Variants in GUCY1A2 observed in about 807,000 individuals in gnomAD.
GUCY1A2 encodes the protein guanylate cyclase 1 soluble subunit alpha 2, also known as guanylate cyclase soluble subunit alpha-2.
A neutral mutation model predicts 63.5 loss-of-function variants in GUCY1A2; 27 were observed. The observed-to-expected ratio is 0.43, with a 90% CI of 0.31 to 0.59. The LOEUF (loss-of-function observed/expected upper bound fraction) is 0.59. Ranked by LOEUF, GUCY1A2 falls within the 20% of genes least tolerant of loss-of-function variation. GUCY1A2 has a pLI of 0.11. For missense variants in GUCY1A2, 768 were observed against 913.3 expected (o/e 0.84, Z 2.05); for synonymous variants, 364 against 343.5 (o/e 1.06, Z -0.66).
intron 7 of GUCY1A2, among the ~76,000 whole-genome samples, chr11:106,690,727 C>T (rs1027424255): frequency 2.0e-5 from 3 of 152,126 alleles, no homozygotes; most frequent in Non-Finnish European, 4.4e-5. Context: ...TGCTCATCTC[C>T]ACCAAATTTA....
At chr11:106,902,768 C>T (rs1269884935) in intron 4 of GUCY1A2, among the ~76,000 whole-genome samples, 1 of 152,068 alleles carries the variant, frequency 6.6e-6, no homozygotes, top group Admixed American at 6.6e-5. Context: ...TGTCATTGTT[C>T]CCTAACAATA....
At chr11:106,935,721 C>A (rs532265147) in intron 4 of GUCY1A2, among the ~76,000 whole-genome samples, 1 of 151,898 alleles carries the variant, frequency 6.6e-6, no homozygotes, top group East Asian at 1.9e-4. Flanking sequence ...GTAGTGCACA[C>A]CTGTAGTCCC....
In GUCY1A2 at chr11:106,939,728, G is replaced by A; in HGVS notation, c.938C>T (p.Pro313Leu). 2 of 1,613,878 alleles carry A rather than the reference G, an allele frequency of 1.2e-6. No homozygotes were observed. Among genetic ancestry groups the A allele is most frequent in the Non-Finnish European group, 1.7e-6 (2 of 1,179,796 alleles). Reference sequence around the variant, plus strand: ...GTTGATGCTAATTCTGAGGTCCGCAGGAACTTGGGAGGTTCCCTGTGGAAG... The same window carrying A: ...GTTGATGCTAATTCTGAGGTCCGCAAGAACTTGGGAGGTTCCCTGTGGAAG... ...KNLPQGTSQVPADLRISINTF... is the reference protein window; with the variant it reads ...KNLPQGTSQVLADLRISINTF... The change falls in exon 4 of 8, where the codon CCT becomes CTT. Residue 313 changes from proline to leucine, a missense_variant. Physicochemically the swap from Pro to Leu is moderately conservative, Grantham distance 98. Around this residue, in one of 3 missense-constraint regions of GUCY1A2, gnomAD observed 496 missense variants for 486.9 expected, o/e 1.02. Coordinates refer to ENST00000526355, the MANE Select transcript of GUCY1A2 (RefSeq NM_000855.3).
At chr11:106,838,921 T>C (rs61902970) in intron 4 of GUCY1A2, among the ~76,000 whole-genome samples, 3,495 of 152,170 alleles carry the variant, frequency 0.023, 63 homozygotes, top group Middle Eastern at 0.068. Flanking sequence ...TCCCATTCTG[T>C]AGGTTGCCTG....
chr11:106,939,490 A>G lies in GUCY1A2; in HGVS notation c.1176T>C (p.Pro392=). 6.3e-7 allele frequency: 1 copy of G among 1,599,298 alleles called. No homozygotes were observed. Among genetic ancestry groups the G allele is most frequent in the Non-Finnish European group, 8.6e-7 (1 of 1,167,596 alleles). Residue 392 remains proline (P), a synonymous_variant, in exon 4 of 8, where the codon CCT becomes CCC. Transcript: ENST00000526355. ...CTTTATTTTCAGAGCCAGAAGCCTC[A>G]GGCTTGGTTCTAATCACAAACGGGG... ...LSTPFVIRTK[P]EASGSENKDK... is the part of the protein sequence containing the mutation.
At chr11:106,865,240 A>T (rs1859575031) in intron 4 of GUCY1A2, among the ~76,000 whole-genome samples, 1 of 151,924 alleles carries the variant, frequency 6.6e-6, no homozygotes. Flanking sequence ...ATCAGTAGTG[A>T]TATCTCTTTT....
chr11:106,834,620 CAAA>C (rs912566913), intron 4 of GUCY1A2, among the ~76,000 whole-genome samples: 2 of 151,750 alleles, frequency 1.3e-5, no homozygotes, highest in Admixed American at 1.3e-4. Flanking sequence ...GAAAAACAAA[CAAA>C]AAAAGTAGAT....
intron 1 of GUCY1A2, among the ~76,000 whole-genome samples, chr11:106,989,179 C>A (rs1327064232): frequency 6.6e-6 from 1 of 152,140 alleles, no homozygotes; most frequent in Non-Finnish European, 1.5e-5. Context: ...GGCCAAGATC[C>A]CAGTCCTCTT....
chr11:106,706,580 AAGCC>A (rs1342946576), intron 7 of GUCY1A2, among the ~76,000 whole-genome samples: 2 of 151,806 alleles, frequency 1.3e-5, no homozygotes, highest in African/African-American at 4.8e-5. Context: ...TATGTAAACA[AAGCC>A]AGCTACTGTT....
At chr11:106,837,489 T>C (rs1043720099) in intron 4 of GUCY1A2, among the ~76,000 whole-genome samples, 2 of 152,002 alleles carry the variant, frequency 1.3e-5, no homozygotes, top group African/African-American at 4.8e-5. Flanking sequence ...GAATGATTTA[T>C]ATTCCTTTGG....
chr11:106,746,026 CA>C (rs1227337274), intron 6 of GUCY1A2, among the ~76,000 whole-genome samples: 2 of 151,912 alleles, frequency 1.3e-5, no homozygotes, highest in Admixed American at 6.6e-5. Context: ...ACTACCAGGA[CA>C]AAAAAACTGG....
chr11:106,773,622 C>T (rs1864297569), intron 6 of GUCY1A2, among the ~76,000 whole-genome samples: 1 of 152,184 alleles, frequency 6.6e-6, no homozygotes, highest in Non-Finnish European at 1.5e-5. Flanking sequence ...ATTTATACTT[C>T]CACTAGCTAT....
intron 4 of GUCY1A2, among the ~76,000 whole-genome samples, chr11:106,813,396 T>C (rs1398058052): frequency 1.3e-5 from 2 of 151,988 alleles, no homozygotes; most frequent in African/African-American, 2.4e-5. Flanking sequence ...GGGGGGTACA[T>C]GTGCAGGTTT....
intron 6 of GUCY1A2, among the ~76,000 whole-genome samples, chr11:106,744,841 T>C (rs1863759096): frequency 6.6e-6 from 1 of 152,194 alleles, no homozygotes; most frequent in Admixed American, 6.5e-5. Flanking sequence ...GTACTCATGT[T>C]GTCAACATGG....
intron 4 of GUCY1A2, among the ~76,000 whole-genome samples, chr11:106,917,105 T>C (rs1458776167): frequency 6.9e-6 from 1 of 145,464 alleles, no homozygotes; most frequent in Admixed American, 6.8e-5. Flanking sequence ...ATAGTAGTGT[T>C]ATAAAGAAAA....
intron 7 of GUCY1A2, among the ~76,000 whole-genome samples, chr11:106,696,701 A>T (rs1591234021): frequency 1.3e-5 from 2 of 152,094 alleles, no homozygotes; most frequent in African/African-American, 4.8e-5. Flanking sequence ...TTGGAGGCTA[A>T]AAAAAGGGCA....
rs376288375 is a variant in GUCY1A2, at chr11:106,727,643, G to GA, written c.1837-18978dup. On this transcript the variant is annotated intron_variant, in intron 6 of 7. Transcript: ENST00000526355. ...GTGAAAAAAGATATACACATTTATG[G>GA]AAAAAAAATCACAGGTTTCTTAAAA... Among the ~76,000 whole-genome samples the GA allele has an allele frequency of 9.6e-4, 146 of 151,814 alleles. 1 individual carries two copies. Among genetic ancestry groups the GA allele is most frequent in the Middle Eastern group, 3.4e-3 (1 of 294 alleles).
intron 6 of GUCY1A2, among the ~76,000 whole-genome samples, chr11:106,710,241 ATATAGT>A (rs1863088319): frequency 0.011 from 183 of 16,082 alleles, 8 homozygotes; most frequent in South Asian, 0.04. Context: ...TATATATAAT[ATATAGT>A]TATATATTAT....
At chr11:106,771,833 T>A (rs1174903439) in intron 6 of GUCY1A2, among the ~76,000 whole-genome samples, 1 of 152,174 alleles carries the variant, frequency 6.6e-6, no homozygotes, top group Non-Finnish European at 1.5e-5. Flanking sequence ...CTTCCATATT[T>A]TCAGCCAGCA....
Sources: gnomAD v4.1 joint callset for allele counts (sites outside exome capture counted in the v4.1 genomes callset) on GRCh38, gnomAD v4.1.1 for gene constraint, gnomAD v4.1.1 regional missense constraint, MANE v1.5 for transcripts, NCBI Gene and HGNC (gene_info 2026-07-23, HGNC 2026-07-21) for gene names.